Variants in PIK3CB observed in about 807,000 individuals in gnomAD.
PIK3CB encodes the protein phosphatidylinositol-4,5-bisphosphate 3-kinase catalytic subunit beta, also known as phosphatidylinositol 4,5-bisphosphate 3-kinase catalytic subunit beta isoform.
Under a neutral mutation model 136.8 loss-of-function variants are expected in PIK3CB, and 39 were observed. That is an observed-to-expected ratio of 0.29 (90% CI 0.22 to 0.37). PIK3CB has a LOEUF of 0.37. Among genes scored for constraint, PIK3CB ranks in the 10% least tolerant of loss-of-function variants. The pLI is 1.00. For missense variants in PIK3CB, 868 were observed against 1,275.4 expected (o/e 0.68, Z 4.87); for synonymous variants, 428 against 436.6 (o/e 0.98, Z 0.25).
chr3:138,721,076 C>A lies in PIK3CB; in HGVS notation c.1051-6357G>T, dbSNP rs1233920333. ...TGAAAGTGATTTCATAGTCAACTAACACTCCACATATCTTCATGAAAGGTG... is the reference window on the plus strand; with the variant it reads ...TGAAAGTGATTTCATAGTCAACTAAAACTCCACATATCTTCATGAAAGGTG... On this transcript the variant is annotated intron_variant, in intron 8 of 23. Transcript: ENST00000674063. Among the ~76,000 whole-genome samples, 4 of 152,260 alleles carry A rather than the reference C, an allele frequency of 2.6e-5. No homozygotes were observed. The East Asian group carries it at 7.7e-4, about 29-fold the overall frequency.
intron 2 of PIK3CB, among the ~76,000 whole-genome samples, chr3:138,770,877 A>G (rs1199271462): frequency 6.6e-6 from 1 of 151,100 alleles, no homozygotes; most frequent in Non-Finnish European, 1.5e-5. Flanking sequence ...ACGCCCGGCT[A>G]ATTTTTGTAT....
At position 138,826,027 on chromosome 3, in the gene PIK3CB, T is replaced by C. The variant is rs1933770717; in HGVS notation, c.-122+8668A>G. ...GTGCTGGCTATGCCACTGTACTGGATTGTCACACAGCTTACACAGCTTGCA... is the reference window on the plus strand; with the variant it reads ...GTGCTGGCTATGCCACTGTACTGGACTGTCACACAGCTTACACAGCTTGCA... On this transcript the variant is annotated intron_variant, in intron 1 of 23. Transcript: ENST00000674063. 6.3e-5 allele frequency: 87 copies of C among 1,382,164 alleles called. 1 individual carries two copies. Among genetic ancestry groups the C allele is most frequent in the South Asian group, 6.1e-4 (50 of 81,476 alleles). 85.6% of individuals were successfully genotyped at this position (1,382,164 alleles called of 1,614,324 possible).
intron 12 of PIK3CB, among the ~76,000 whole-genome samples, chr3:138,702,887 T>C (rs901223091): frequency 2.7e-4 from 41 of 152,142 alleles, no homozygotes; most frequent in Admixed American, 2.0e-4. Flanking sequence ...GTCTACATCC[T>C]CAGCAAGAAA....
chr3:138,713,160 A>G (rs2044539661), intron 9 of PIK3CB, among the ~76,000 whole-genome samples: 1 of 151,814 alleles, frequency 6.6e-6, no homozygotes, highest in Non-Finnish European at 1.5e-5. Flanking sequence ...TTAGTCATTA[A>G]AAGTTATTTT....
At chr3:138,806,445 A>G (rs906600398) in intron 1 of PIK3CB, among the ~76,000 whole-genome samples, 5 of 151,994 alleles carry the variant, frequency 3.3e-5, no homozygotes, top group Non-Finnish European at 7.4e-5. Flanking sequence ...AGATCCCACC[A>G]CCGCATTCCA....
chr3:138,718,355 T>C (rs1342904837), intron 8 of PIK3CB, among the ~76,000 whole-genome samples: 1 of 151,712 alleles, frequency 6.6e-6, no homozygotes, highest in East Asian at 1.9e-4. Context: ...TCATGTCATT[T>C]GCCCACTTTT....
chr3:138,760,170 G>C (rs936632651), intron 2 of PIK3CB, among the ~76,000 whole-genome samples: 4 of 152,054 alleles, frequency 2.6e-5, no homozygotes, highest in Non-Finnish European at 5.9e-5. Context: ...TGATCCGCCC[G>C]CCTTGGCCTC....
Position 138,797,594 on chromosome 3 carries a change from C to T in PIK3CB, c.-121-1027G>A, listed in dbSNP as rs373800064. Among the ~76,000 whole-genome samples the T allele has an allele frequency of 3.8e-4, 58 of 152,158 alleles. No individual in the cohort carries two copies. The South Asian group carries it at 9.3e-3, about 24-fold the overall frequency. On this transcript the variant is annotated intron_variant, in intron 1 of 23. Transcript: ENST00000674063. ...TATAAAACAAATTTCAGAACAATTT[C>T]GAAGTACATAAAGCTGATTGTTTTT...
intron 2 of PIK3CB, among the ~76,000 whole-genome samples, chr3:138,787,777 T>C (rs1316477067): frequency 6.6e-6 from 1 of 151,768 alleles, no homozygotes; most frequent in Non-Finnish European, 1.5e-5. Context: ...TGCTGTCCTA[T>C]CCTAAAAGAT....
chr3:138,716,020 A>G (rs1253448276), intron 8 of PIK3CB, among the ~76,000 whole-genome samples: 1 of 152,162 alleles, frequency 6.6e-6, no homozygotes, highest in Non-Finnish European at 1.5e-5. Context: ...GGTTCATTAT[A>G]CTATTCTACT....
chr3:138,781,585 T>C (rs756292955), intron 2 of PIK3CB, among the ~76,000 whole-genome samples: 3 of 152,034 alleles, frequency 2.0e-5, no homozygotes, highest in Non-Finnish European at 4.4e-5. Context: ...CCCGAGCAGC[T>C]GGGATTACAG....
At chr3:138,716,893 CAAAAAAAAAAAA>C (rs376627250) in intron 8 of PIK3CB, among the ~76,000 whole-genome samples, 213 of 11,084 alleles carry the variant, frequency 0.019, 8 homozygotes, top group South Asian at 0.1. Context: ...GATTGTGTCT[CAAAAAAAAAAAA>C]AAAAAAAAAA....
At chr3:138,669,777 A>G (rs933232071) in intron 19 of PIK3CB, among the ~76,000 whole-genome samples, 1 of 152,226 alleles carries the variant, frequency 6.6e-6, no homozygotes, top group African/African-American at 2.4e-5. Flanking sequence ...TACAAGTACT[A>G]AAACAGTAAT....
At chr3:138,802,270 C>T (rs1278499240) in intron 1 of PIK3CB, among the ~76,000 whole-genome samples, 1 of 150,166 alleles carries the variant, frequency 6.7e-6, no homozygotes, top group Non-Finnish European at 1.5e-5. Context: ...ATCCCAGTTA[C>T]TCGGGAGGCT....
In PIK3CB at chr3:138,655,576, T is replaced by C. The variant is rs145910340; in HGVS notation, c.3076-50A>G. 290 of 1,461,126 alleles carry C rather than the reference T, an allele frequency of 2.0e-4. 1 individual carries two copies. In the East Asian group the frequency reaches 4.9e-3, roughly 25 times the overall value. 90.5% of individuals were successfully genotyped at this position (1,461,126 alleles called of 1,614,324 possible). A position where few individuals can be genotyped will look rare whatever the true frequency, so the allele number is the denominator to read the frequency against. On this transcript the variant is annotated intron_variant, in intron 23 of 23. Coordinates refer to ENST00000674063, the MANE Select transcript of PIK3CB (RefSeq NM_006219.3). ...ATTTTATATAACTTTAGTAGAGATGTGCAAATATCAAAGTCTGCAGGAGGC... is the reference window on the plus strand; with the variant it reads ...ATTTTATATAACTTTAGTAGAGATGCGCAAATATCAAAGTCTGCAGGAGGC...
At chr3:138,705,174 C>CAAAAAAAAAAAAAAAA (rs1159172292) in intron 11 of PIK3CB, among the ~76,000 whole-genome samples, 1 of 57,062 alleles carries the variant, frequency 1.8e-5, no homozygotes, top group Non-Finnish European at 3.0e-5. Flanking sequence ...AAAAAAAAAA[C>CAAAAAAAAAAAAAAAA]AAAAAACAAA....
At chr3:138,733,252 T>C (rs1221065744) in intron 8 of PIK3CB, 109 bp downstream of exon 8, 2 of 495,132 alleles carry the variant, frequency 4.0e-6, no homozygotes, top group South Asian at 3.9e-5. Context: ...TATCATGTAA[T>C]TGATCAATAT....
intron 2 of PIK3CB, among the ~76,000 whole-genome samples, chr3:138,769,184 C>G (rs2045770428): frequency 6.6e-6 from 1 of 152,212 alleles, no homozygotes; most frequent in Non-Finnish European, 1.5e-5. Context: ...CTTGCTGCAG[C>G]TGGCATGATG....
chr3:138,809,879 T>C (rs1450031883), intron 1 of PIK3CB, among the ~76,000 whole-genome samples: 3 of 152,186 alleles, frequency 2.0e-5, no homozygotes, highest in Non-Finnish European at 4.4e-5. Flanking sequence ...GTTCAGCTCT[T>C]AGTTTCTAAC....
Sources: gnomAD v4.1 joint callset for allele counts (sites outside exome capture counted in the v4.1 genomes callset) on GRCh38, gnomAD v4.1.1 for gene constraint, MANE v1.5 for transcripts, NCBI Gene and HGNC (gene_info 2026-07-23, HGNC 2026-07-21) for gene names.